VWA3B: variants seen among roughly 807,000 people sequenced by gnomAD.
The protein encoded by VWA3B is von Willebrand factor A domain-containing protein 3B.
VWA3B carries 138 observed loss-of-function variants against 158.3 expected under a neutral mutation model. The ratio of observed to expected loss-of-function variants is 0.87; its 90% CI spans 0.76 to 1.00. VWA3B has a LOEUF of 1.00. Among genes scored for constraint, VWA3B ranks in the 50% least tolerant of loss-of-function variants. VWA3B has a pLI of 0.00. For synonymous variants in VWA3B, 596 were observed against 587.3 expected (o/e 1.01, Z -0.21); for missense variants, 1,555 against 1,565.1 (o/e 0.99, Z 0.11).
chr2:98,220,311 A>G (rs1376112293), intron 14 of VWA3B, among the ~76,000 whole-genome samples: 1 of 152,194 alleles, frequency 6.6e-6, no homozygotes, highest in Non-Finnish European at 1.5e-5. Flanking sequence ...CTAAGGAATA[A>G]AAAGCATTGG....
intron 21 of VWA3B, among the ~76,000 whole-genome samples, chr2:98,265,284 A>C (rs528824195): frequency 6.6e-6 from 1 of 151,150 alleles, no homozygotes; most frequent in African/African-American, 2.4e-5. Context: ...GTGAGTGAGA[A>C]TATGCGGTGT....
chr2:98,226,665 G>A lies in VWA3B; in HGVS notation c.2020-1537G>A, dbSNP rs1219229500. On this transcript the variant is annotated intron_variant, in intron 14 of 27. Transcript: ENST00000477737. ...AGACTTAGAGAAAGTATCTGCAAAT[G>A]ACATGTCAGACAAAGGTCTTAGTAT... 2.6e-5 allele frequency among the ~76,000 whole-genome samples: 4 copies of A among 152,168 alleles called. No individual in the cohort carries two copies. The East Asian group carries it at 7.7e-4, about 29-fold the overall frequency.
At chr2:98,179,102 C>G (rs1680251117) in intron 8 of VWA3B, 1 of 408,508 alleles carries the variant, frequency 2.4e-6, no homozygotes, top group African/African-American at 2.1e-5. Flanking sequence ...CCACCATGGT[C>G]TCTTTCATCC....
intron 12 of VWA3B, among the ~76,000 whole-genome samples, chr2:98,203,825 A>G (rs1682790560): frequency 1.3e-5 from 2 of 152,152 alleles, no homozygotes. Context: ...TTTTTTGTGT[A>G]TGGTAAGCCC....
intron 19 of VWA3B, among the ~76,000 whole-genome samples, chr2:98,248,028 G>T (rs1190915062): frequency 1.3e-5 from 2 of 151,966 alleles, no homozygotes; most frequent in African/African-American, 2.4e-5. Flanking sequence ...TAAAAATTTT[G>T]TGTAGCCTAG....
At chr2:98,172,846 C>T (rs919974925) in intron 8 of VWA3B, among the ~76,000 whole-genome samples, 3 of 152,108 alleles carry the variant, frequency 2.0e-5, no homozygotes, top group East Asian at 1.9e-4. Flanking sequence ...AAATAAAGGA[C>T]GCAATTGACT....
At chr2:98,211,720 C>T (rs547821093) in intron 12 of VWA3B, among the ~76,000 whole-genome samples, 91 of 152,344 alleles carry the variant, frequency 6.0e-4, no homozygotes, top group South Asian at 1.2e-3. Flanking sequence ...TGACTTCTAG[C>T]AGTCCTTGGA....
chr2:98,145,965 C>T (rs1677146601), intron 7 of VWA3B, among the ~76,000 whole-genome samples: 1 of 152,048 alleles, frequency 6.6e-6, no homozygotes, highest in Non-Finnish European at 1.5e-5. Flanking sequence ...AAACTCCTGG[C>T]CTCAAGTGAT....
intron 20 of VWA3B, among the ~76,000 whole-genome samples, chr2:98,254,164 A>AG (rs1488843670): frequency 3.9e-5 from 6 of 152,166 alleles, no homozygotes; most frequent in African/African-American, 1.4e-4. Context: ...TGATCACTTT[A>AG]TGTATGCATC....
chr2:98,138,575 G>A (rs1339639736), intron 7 of VWA3B, among the ~76,000 whole-genome samples: 8 of 152,192 alleles, frequency 5.3e-5, no homozygotes, highest in East Asian at 3.8e-4. Context: ...GGGCGGGGGC[G>A]CGGATCTCAT....
chr2:98,135,325 C>CTTTTTCTTTTTTT (rs1676181485), intron 7 of VWA3B, among the ~76,000 whole-genome samples: 1 of 96,392 alleles, frequency 1.0e-5, no homozygotes. Context: ...AAACATTTTT[C>CTTTTTCTTTTTTT]TTTTTTTTTT....
At chr2:98,302,226 G>A (rs988980293) in intron 25 of VWA3B, among the ~76,000 whole-genome samples, 8 of 151,990 alleles carry the variant, frequency 5.3e-5, no homozygotes, top group South Asian at 2.1e-4. Flanking sequence ...CCAAACTCCC[G>A]TCACCCTAAA....
At chr2:98,327,001 A>T in the VWA3B span, among the ~76,000 whole-genome samples, 2 of 151,944 alleles carry the variant, frequency 1.3e-5, no homozygotes, top group African/African-American at 4.8e-5. Flanking sequence ...ACTTGAAAAA[A>T]AAAAAAAAGT....
the VWA3B span, among the ~76,000 whole-genome samples, chr2:98,324,861 A>T: frequency 1.3e-5 from 2 of 152,270 alleles, no homozygotes; most frequent in African/African-American, 2.4e-5. Flanking sequence ...ACTATTAAAA[A>T]ACAAACAAAT....
downstream of VWA3B, among the ~76,000 whole-genome samples, chr2:98,316,278 T>C (rs1302926234): frequency 6.6e-6 from 1 of 152,242 alleles, no homozygotes; most frequent in Admixed American, 6.5e-5. Flanking sequence ...AAACATGCCT[T>C]GAGCATTGAT....
chr2:98,254,332 C>T (rs904546632), intron 20 of VWA3B, among the ~76,000 whole-genome samples: 3 of 152,100 alleles, frequency 2.0e-5, no homozygotes, highest in Admixed American at 2.0e-4. Context: ...TCCCAGCCTC[C>T]ACACTACACT....
chr2:98,208,994 T>C (rs1439195255), intron 12 of VWA3B, among the ~76,000 whole-genome samples: 1 of 152,216 alleles, frequency 6.6e-6, no homozygotes, highest in East Asian at 1.9e-4. Flanking sequence ...CCCAGATAGA[T>C]GATTCATGGC....
chr2:98,093,213 C>T lies in VWA3B; in HGVS notation c.121C>T (p.Gln41Ter), dbSNP rs1486260168. 1.2e-6 allele frequency: 2 copies of T among 1,614,160 alleles called. No homozygotes were observed. The highest frequency in any genetic ancestry group is 2.2e-5 in the South Asian group (2 of 91,088). Residue 41 changes from glutamine to a stop codon, truncating the protein, a stop_gained, in exon 2 of 28, where the codon CAA becomes TAA. Transcript: ENST00000477737. LOFTEE classifies it high-confidence loss of function. Reference sequence around the variant, plus strand: ...TCTCATTTCATCTGAGAAATGGCTTCAACTGCATGGGCTTAAGAGCAACAA... The same window carrying T: ...TCTCATTTCATCTGAGAAATGGCTTTAACTGCATGGGCTTAAGAGCAACAA... ...QSLISSEKWL[Q>*]LHGLKSNKLT... is the part of the protein sequence containing the mutation.
At chr2:98,141,071 C>T (rs781537919) in intron 7 of VWA3B, among the ~76,000 whole-genome samples, 8 of 152,210 alleles carry the variant, frequency 5.3e-5, no homozygotes, top group South Asian at 4.1e-4. Flanking sequence ...ACCCAACTTC[C>T]GGAAGCCTTT....
Sources: gnomAD v4.1 joint callset for allele counts (sites outside exome capture counted in the v4.1 genomes callset) on GRCh38, gnomAD v4.1.1 for gene constraint, MANE v1.5 for transcripts, NCBI Gene and HGNC (gene_info 2026-07-23, HGNC 2026-07-21) for gene names.